CYP19A1: variants seen among roughly 807,000 people sequenced by gnomAD.
CYP19A1 encodes cytochrome P450 family 19 subfamily A member 1.
Under a neutral mutation model 44.4 loss-of-function variants are expected in CYP19A1, and 32 were observed. That is an observed-to-expected ratio of 0.72 (90% CI 0.54 to 0.97). The LOEUF is 0.97. Ranked by LOEUF, CYP19A1 falls within the 50% of genes least tolerant of loss-of-function variation. The pLI, the probability that CYP19A1 is intolerant of heterozygous loss-of-function variation, is 0.00. For missense variants in CYP19A1, 598 were observed against 637.8 expected (o/e 0.94, Z 0.67); for synonymous variants, 212 against 215.6 (o/e 0.98, Z 0.14).
At chr15:51,292,830 T>C (rs76561269) in intron 1 of CYP19A1, among the ~76,000 whole-genome samples, 4 of 151,982 alleles carry the variant, frequency 2.6e-5, no homozygotes, top group South Asian at 2.1e-4. Flanking sequence ...TTTTTTTTTT[T>C]CCAAGAGATG....
intron 5 of CYP19A1, 134 bp downstream of exon 5, chr15:51,222,215 C>A (rs751759414): frequency 2.7e-6 from 4 of 1,492,278 alleles, no homozygotes; most frequent in Non-Finnish European, 3.6e-6. Context: ...GGGAAAAAAA[C>A]GAGGAGTACT....
intron 1 of CYP19A1, among the ~76,000 whole-genome samples, chr15:51,251,912 C>A (rs879686666): frequency 6.6e-6 from 1 of 152,170 alleles, no homozygotes; most frequent in Non-Finnish European, 1.5e-5. Flanking sequence ...CGTCCATTTC[C>A]TTATCTATAA....
chr15:51,226,727 T>C lies in CYP19A1; in HGVS notation c.451+1052A>G, dbSNP rs115421099. ...GATTATCTTTCTTTATGCTTGATAG[T>C]AATGTCAAGGGTTAGTCGTGTGTAT... is the stretch of plus-strand genomic sequence containing the variant. On this transcript the variant is annotated intron_variant, in intron 4 of 9. Transcript: ENST00000396402. 2.1e-3 allele frequency among the ~76,000 whole-genome samples: 316 copies of C among 152,282 alleles called. 1 individual carries two copies. The highest frequency in any genetic ancestry group is 7.2e-3 in the African/African-American group (298 of 41,516).
At chr15:51,224,058 G>A (rs1464596946) in intron 4 of CYP19A1, among the ~76,000 whole-genome samples, 1 of 152,186 alleles carries the variant, frequency 6.6e-6, no homozygotes, top group Non-Finnish European at 1.5e-5. Context: ...ACTCTATCTA[G>A]TGAAAAGAAA....
At chr15:51,302,103 A>G (rs1346819169) in intron 1 of CYP19A1, among the ~76,000 whole-genome samples, 1 of 152,048 alleles carries the variant, frequency 6.6e-6, no homozygotes, top group Non-Finnish European at 1.5e-5. Flanking sequence ...CCTCACTGTC[A>G]TGTTCTTGCC....
At chr15:51,216,608 GT>G (rs1258734419) in intron 6 of CYP19A1, among the ~76,000 whole-genome samples, 2 of 152,094 alleles carry the variant, frequency 1.3e-5, no homozygotes, top group Non-Finnish European at 2.9e-5. Context: ...TGAGATTCCT[GT>G]TCTAAACAGT....
At chr15:51,337,601 G>A (rs562516613) in intron 1 of CYP19A1, among the ~76,000 whole-genome samples, 1 of 152,328 alleles carries the variant, frequency 6.6e-6, no homozygotes, top group East Asian at 1.9e-4. Context: ...CTTGGGACTG[G>A]CCTAGGAAGT....
intron 1 of CYP19A1, among the ~76,000 whole-genome samples, chr15:51,304,011 C>T (rs1566919582): frequency 1.3e-5 from 2 of 152,098 alleles, no homozygotes; most frequent in African/African-American, 4.8e-5. Flanking sequence ...CAGCCTTTGA[C>T]GCTCAACAAT....
chr15:51,288,481 C>T (rs1275907655), intron 1 of CYP19A1, among the ~76,000 whole-genome samples: 3 of 152,168 alleles, frequency 2.0e-5, no homozygotes, highest in Non-Finnish European at 2.9e-5. Flanking sequence ...GTTTCACCAC[C>T]GCGTTCCTGC....
At chr15:51,262,753 A>C (rs374522010) in intron 1 of CYP19A1, among the ~76,000 whole-genome samples, 2 of 152,224 alleles carry the variant, frequency 1.3e-5, no homozygotes, top group Admixed American at 6.5e-5. Flanking sequence ...CTGCAGTGAC[A>C]TGTCCTAGCT....
rs1431759610 is a variant in CYP19A1, at chr15:51,210,796, G to A, written c.*12C>T. 11 of 1,536,148 alleles carry A rather than the reference G, an allele frequency of 7.2e-6. No homozygotes were observed. Among genetic ancestry groups the A allele is most frequent in the African/African-American group, 1.4e-5 (1 of 73,658 alleles). ...TGAGAAATGCTCCAGAGTGGGTACT[G>A]ACCAGCCTTCTCTAGTGTTCCAGAC... On this transcript the variant is annotated 3_prime_UTR_variant, in exon 10 of 10. Coordinates refer to ENST00000396402, the MANE Select transcript of CYP19A1 (RefSeq NM_000103.4).
In CYP19A1 at chr15:51,209,902, A is replaced by T. The variant is rs949495005; in HGVS notation, c.*906T>A. The T allele has an allele frequency of 1.2e-5, 2 of 168,326 alleles. No homozygotes were observed. Among genetic ancestry groups the T allele is most frequent in the Non-Finnish European group, 1.3e-5 (1 of 79,118 alleles). The allele number at this position is 168,326 out of a possible 1,614,324, so 10.4% of individuals were successfully genotyped here. On this transcript the variant is annotated 3_prime_UTR_variant, in exon 10 of 10. Transcript: ENST00000396402. ...AATCACTGAAGCTGTAGTAAGAGCA[A>T]ATCAATGTCACATTTACAGTTATCT... is the stretch of plus-strand genomic sequence containing the variant.
chr15:51,275,438 T>A (rs1486538715), intron 1 of CYP19A1, among the ~76,000 whole-genome samples: 2 of 152,228 alleles, frequency 1.3e-5, no homozygotes, highest in African/African-American at 2.4e-5. Flanking sequence ...CAGTTTTAAA[T>A]TGCTACTTGT....
At chr15:51,330,273 G>T (rs1406482232) in intron 1 of CYP19A1, among the ~76,000 whole-genome samples, 2 of 152,102 alleles carry the variant, frequency 1.3e-5, no homozygotes, top group African/African-American at 2.4e-5. Flanking sequence ...GGAGTAGAAG[G>T]TGCACTTGGA....
intron 1 of CYP19A1, among the ~76,000 whole-genome samples, chr15:51,308,362 G>A (rs752396845): frequency 2.6e-5 from 4 of 152,204 alleles, no homozygotes; most frequent in Non-Finnish European, 5.9e-5. Context: ...AATGTCCTGG[G>A]AAATAATCCC....
At chr15:51,250,738 T>C (rs1292157636) in intron 1 of CYP19A1, among the ~76,000 whole-genome samples, 1 of 152,238 alleles carries the variant, frequency 6.6e-6, no homozygotes, top group Non-Finnish European at 1.5e-5. Context: ...ACGAGGAGTC[T>C]GACCTCGCCT....
intron 5 of CYP19A1, among the ~76,000 whole-genome samples, chr15:51,219,766 C>A (rs2031908892): frequency 6.6e-6 from 1 of 152,174 alleles, no homozygotes; most frequent in Non-Finnish European, 1.5e-5. Context: ...TTTACAAATC[C>A]TTTTATATGA....
chr15:51,232,274 C>T (rs1365458475), intron 3 of CYP19A1, among the ~76,000 whole-genome samples: 1 of 152,200 alleles, frequency 6.6e-6, no homozygotes, highest in Non-Finnish European at 1.5e-5. Context: ...CTCCCTGTTG[C>T]TAAATGCAGT....
At position 51,242,983 on chromosome 15, in the gene CYP19A1, A is replaced by G. The variant is rs555193067; in HGVS notation, c.-38-33T>C. ...AATCAAAGGGACAGAAAAATTACAG[A>G]ATCCCCTAAAAGGTTCATCTATAGC... On this transcript the variant is annotated intron_variant, in intron 1 of 9. Transcript: ENST00000396402. 5 of 1,084,958 alleles carry G rather than the reference A, an allele frequency of 4.6e-6. No homozygotes were observed. In the South Asian group the frequency reaches 5.0e-5, roughly 11 times the overall value. 67.2% of individuals were successfully genotyped at this position (1,084,958 alleles called of 1,614,324 possible).
Sources: allele counts gnomAD v4.1 joint callset (sites outside exome capture counted in the v4.1 genomes callset), GRCh38; gene constraint gnomAD v4.1.1; transcripts MANE v1.5; gene names NCBI Gene and HGNC (gene_info 2026-07-23, HGNC 2026-07-21).